ESYT3: variants seen among roughly 807,000 people sequenced by gnomAD.
The protein encoded by ESYT3 is extended synaptotagmin 3.
ESYT3 carries 101 observed loss-of-function variants against 111.5 expected under a neutral mutation model. The ratio of observed to expected loss-of-function variants is 0.91; its 90% CI spans 0.77 to 1.07. ESYT3 has a LOEUF of 1.07. Ranked by LOEUF, ESYT3 falls within the 50% of genes least tolerant of loss-of-function variation. ESYT3 has a pLI of 0.00. For synonymous variants in ESYT3, 416 were observed against 446.8 expected (o/e 0.93, Z 0.87); for missense variants, 1,097 against 1,109.4 (o/e 0.99, Z 0.16).
At chr3:138,439,958 G>A (rs1184820800) in intron 1 of ESYT3, among the ~76,000 whole-genome samples, 1 of 152,142 alleles carries the variant, frequency 6.6e-6, no homozygotes, top group Non-Finnish European at 1.5e-5. Context: ...GTGAAGTAGT[G>A]GAAGTCATTG....
chr3:138,465,356 C>T lies in ESYT3; in HGVS notation c.1104C>T (p.Val368=), dbSNP rs375283599. ...NEVFEFMVYE[V]PGQDLEVDLY... ...CCTTCCAGTTCATGGTGTACGAAGT[C>T]CCTGGACAGGACCTGGAGGTAGACC... The change falls in exon 10 of 23, where the codon GTC becomes GTT. Residue 368 remains valine, a synonymous_variant. Coordinates refer to ENST00000389567, the MANE Select transcript of ESYT3 (RefSeq NM_031913.5). 2.5e-5 allele frequency: 40 copies of T among 1,594,328 alleles called. No homozygotes were observed. Among genetic ancestry groups the T allele is most frequent in the Non-Finnish European group, 3.1e-5 (36 of 1,170,638 alleles).
At chr3:138,442,412 A>G (rs1055689068) in intron 1 of ESYT3, among the ~76,000 whole-genome samples, 1 of 152,186 alleles carries the variant, frequency 6.6e-6, no homozygotes, top group Non-Finnish European at 1.5e-5. Flanking sequence ...TGTTTCTCTA[A>G]CATTGATTAT....
In ESYT3 at chr3:138,479,205, T is replaced by G. The variant is rs2033616842; in HGVS notation, c.*2351T>G. The G allele has an allele frequency of 6.6e-6, 1 of 152,188 alleles. No homozygotes were observed. The highest frequency in any genetic ancestry group is 6.5e-5 in the Admixed American group (1 of 15,288). 9.4% of individuals were successfully genotyped at this position (152,188 alleles called of 1,614,324 possible). On this transcript the variant is annotated 3_prime_UTR_variant, in exon 23 of 23. Transcript: ENST00000389567. Reference sequence around the variant, plus strand: ...GGCAGAAATAGCATGTGAGAAGCAGTGGAAAGCAAAGAAATCCATAAAATA... The same window carrying G: ...GGCAGAAATAGCATGTGAGAAGCAGGGGAAAGCAAAGAAATCCATAAAATA...
chr3:138,465,466 C>A, intron 10 of ESYT3, 45 bp downstream of exon 10: 1 of 1,486,214 alleles, frequency 6.7e-7, no homozygotes, highest in Middle Eastern at 2.4e-4. Context: ...AGCCTTCCCT[C>A]CCTGCGGGGT....
In ESYT3 at chr3:138,469,564, G is replaced by A. The variant is rs1475732568; in HGVS notation, c.1503+60G>A. 10 of 1,450,038 alleles carry A rather than the reference G, an allele frequency of 6.9e-6. No individual in the cohort carries two copies. The African/African-American group carries it at 1.1e-4, about 16-fold the overall frequency. 89.8% of individuals were successfully genotyped at this position (1,450,038 alleles called of 1,614,324 possible). ...AAACAAGGACCCAGCCCTTCTCAGGGAGAGAGGCAAAAGGGAGGGGAATTA... is the reference window on the plus strand; with the variant it reads ...AAACAAGGACCCAGCCCTTCTCAGGAAGAGAGGCAAAAGGGAGGGGAATTA... On this transcript the variant is annotated intron_variant, in intron 15 of 22. Coordinates refer to ENST00000389567, the MANE Select transcript of ESYT3 (RefSeq NM_031913.5).
intron 3 of ESYT3, 135 bp from the exon 4 acceptor site, chr3:138,457,433 T>A (rs2032351229): frequency 3.7e-6 from 3 of 803,310 alleles, no homozygotes; most frequent in Admixed American, 3.4e-5. Flanking sequence ...CAGGATAGAT[T>A]TACATGTCTG....
rs1036474531 is a variant in ESYT3, at chr3:138,465,408, G to A, written c.1156G>A (p.Asp386Asn). ...DLYDEDTDRD[D>N]FLGSLQICLG... ...GTATGATGAGGATACCGACAGGGAT[G>A]ACTTCCTGGGCAGGTGAGGAGGAGG... Residue 386 changes from aspartate (D) to asparagine (N), a missense_variant, in exon 10 of 23, where the codon GAC (aspartate) becomes AAC (asparagine). Asp to Asn is a conservative substitution (Grantham distance 23). Coordinates refer to ENST00000389567, the MANE Select transcript of ESYT3 (RefSeq NM_031913.5). 6 of 1,591,560 alleles carry A rather than the reference G, an allele frequency of 3.8e-6. No homozygotes were observed. Among genetic ancestry groups the A allele is most frequent in the Non-Finnish European group, 4.3e-6 (5 of 1,169,678 alleles).
intron 1 of ESYT3, among the ~76,000 whole-genome samples, chr3:138,436,790 G>A (rs1026328674): frequency 3.9e-5 from 6 of 152,194 alleles, no homozygotes; most frequent in African/African-American, 1.4e-4. Flanking sequence ...TGTCCCCCTT[G>A]ATGGCCTTAG....
intron 2 of ESYT3, 132 bp from the exon 3 acceptor site, chr3:138,455,062 G>T (rs1349819250): frequency 5.1e-6 from 5 of 978,104 alleles, no homozygotes; most frequent in Non-Finnish European, 7.7e-6. Flanking sequence ...CAGGCAAGCA[G>T]GTGAGTGCTG....
chr3:138,468,212 A>G lies in ESYT3; in HGVS notation c.1308+18A>G. ...TGACTGAGGTGAGTGTGGGGTGTCA[A>G]GGGCTCCCTTGCAGAAAGGTGGAGG... On this transcript the variant is annotated intron_variant, in intron 12 of 22. Coordinates refer to ENST00000389567, the MANE Select transcript of ESYT3 (RefSeq NM_031913.5). 1 of 1,612,906 alleles carries G rather than the reference A, an allele frequency of 6.2e-7. No individual in the cohort carries two copies. The highest frequency in any genetic ancestry group is 1.1e-5 in the South Asian group (1 of 91,052).
chr3:138,476,159 A>C, intron 20 of ESYT3, 64 bp from the exon 21 acceptor site: 2 of 1,070,414 alleles, frequency 1.9e-6, no homozygotes, highest in Non-Finnish European at 2.9e-6. Context: ...TGGATGAAGC[A>C]CTTTAGATTT....
At chr3:138,475,778 A>G (rs1345177283) in intron 20 of ESYT3, among the ~76,000 whole-genome samples, 6 of 151,958 alleles carry the variant, frequency 3.9e-5, no homozygotes, top group Admixed American at 3.9e-4. Context: ...AAACACAAAA[A>G]ATTAGCCAGG....
intron 8 of ESYT3, among the ~76,000 whole-genome samples, chr3:138,463,657 G>A (rs187304118): frequency 6.6e-6 from 1 of 152,226 alleles, no homozygotes; most frequent in African/African-American, 2.4e-5. Context: ...CTAGAAATGG[G>A]ATTTCTGGGT....
chr3:138,441,585 C>T (rs2031156204), intron 1 of ESYT3, among the ~76,000 whole-genome samples: 1 of 152,138 alleles, frequency 6.6e-6, no homozygotes, highest in South Asian at 2.1e-4. Flanking sequence ...AACCCAGCTA[C>T]CTCAGGGAGC....
chr3:138,446,096 G>T (rs756389919), intron 1 of ESYT3, among the ~76,000 whole-genome samples: 87 of 152,240 alleles, frequency 5.7e-4, no homozygotes, highest in Non-Finnish European at 1.2e-3. Flanking sequence ...TTTATAGAGT[G>T]TTGGGAGCAT....
intron 1 of ESYT3, among the ~76,000 whole-genome samples, chr3:138,450,097 A>G (rs2031827118): frequency 6.6e-6 from 1 of 152,192 alleles, no homozygotes; most frequent in African/African-American, 2.4e-5. Context: ...GAATCAATCA[A>G]AGGGGAGTAG....
chr3:138,457,792 C>A, intron 4 of ESYT3, 148 bp downstream of exon 4: 2 of 767,054 alleles, frequency 2.6e-6, no homozygotes, highest in South Asian at 1.6e-5. Context: ...TTCTCCCATC[C>A]CCTGGCATAC....
chr3:138,464,624 T>A, intron 9 of ESYT3, 109 bp downstream of exon 9: 1 of 1,188,902 alleles, frequency 8.4e-7, no homozygotes, highest in Non-Finnish European at 1.2e-6. Context: ...GGCAGGTCTG[T>A]GGAATTCCTG....
At chr3:138,472,216 G>C in intron 17 of ESYT3, 147 bp from the exon 18 acceptor site, 1 of 1,010,142 alleles carries the variant, frequency 9.9e-7, no homozygotes, top group South Asian at 1.8e-5. Context: ...AGAATATTTG[G>C]AACACCATAT....
Sources: allele counts gnomAD v4.1 joint callset (sites outside exome capture counted in the v4.1 genomes callset), GRCh38; gene constraint gnomAD v4.1.1; transcripts MANE v1.5; gene names NCBI Gene and HGNC (gene_info 2026-07-23, HGNC 2026-07-21).